CCSER1: variants seen among roughly 807,000 people sequenced by gnomAD.
CCSER1 encodes serine-rich coiled-coil domain-containing protein 1.
A neutral mutation model predicts 82.0 loss-of-function variants in CCSER1; 41 were observed. The ratio of observed to expected loss-of-function variants is 0.50; its 90% CI spans 0.39 to 0.65. The LOEUF (loss-of-function observed/expected upper bound fraction) is 0.65, where lower values mean the gene tolerates loss of function less well. CCSER1 is among the 30% of genes least tolerant of loss of function. CCSER1 has a pLI of 0.00. For synonymous variants in CCSER1, 414 were observed against 383.9 expected, an observed-to-expected ratio of 1.08 and a Z score of -0.92; for missense variants, 1,119 against 1,064.2, an observed-to-expected ratio of 1.05 and a Z score of -0.72.
chr4:91,354,610 G>A (rs984294400), intron 10 of CCSER1, among the ~76,000 whole-genome samples: 6 of 152,220 alleles, frequency 3.9e-5, no homozygotes, highest in Admixed American at 2.6e-4. Context: ...CTTACAGGAT[G>A]AGTGAATCCT....
intron 10 of CCSER1, among the ~76,000 whole-genome samples, chr4:91,385,410 G>A (rs976802722): frequency 2.0e-5 from 3 of 151,944 alleles, no homozygotes; most frequent in Non-Finnish European, 4.4e-5. Context: ...AAACAGAAAA[G>A]CTAAGCTGGT....
chr4:91,490,831 G>A (rs1472279337), intron 10 of CCSER1, among the ~76,000 whole-genome samples: 1 of 106,338 alleles, frequency 9.4e-6, no homozygotes, highest in Non-Finnish European at 1.8e-5. Flanking sequence ...CTGATATGAT[G>A]ATTACACATT....
chr4:90,828,030 G>T (rs533682254), intron 8 of CCSER1, among the ~76,000 whole-genome samples: 111 of 152,256 alleles, frequency 7.3e-4, no homozygotes, highest in African/African-American at 2.6e-3. Flanking sequence ...TCTGTGTGTG[G>T]TGCCGACTTC....
chr4:91,060,058 T>C (rs2148733029), intron 9 of CCSER1, among the ~76,000 whole-genome samples: 1 of 152,210 alleles, frequency 6.6e-6, no homozygotes, highest in East Asian at 1.9e-4. Context: ...AAACTCCTTT[T>C]CTCCCTGTTG....
chr4:91,362,818 T>C (rs12640578), intron 10 of CCSER1, among the ~76,000 whole-genome samples: 114,758 of 151,656 alleles, frequency 0.76, 44,413 homozygotes, highest in East Asian at 0.91. Flanking sequence ...AAGCTCATCC[T>C]GTTTCTCTTC....
chr4:91,306,033 G>T (rs1745045518), intron 10 of CCSER1, among the ~76,000 whole-genome samples: 1 of 146,994 alleles, frequency 6.8e-6, no homozygotes, highest in Non-Finnish European at 1.5e-5. Context: ...TTTGGGTGGG[G>T]ACACAACCAA....
chr4:91,328,871 T>C (rs1363973196), intron 10 of CCSER1, among the ~76,000 whole-genome samples: 1 of 152,118 alleles, frequency 6.6e-6, no homozygotes, highest in Non-Finnish European at 1.5e-5. Flanking sequence ...ATGGTAGCAG[T>C]TTCCCCCCTA....
chr4:90,673,623 C>G (rs1733224993), intron 6 of CCSER1, among the ~76,000 whole-genome samples: 2 of 151,950 alleles, frequency 1.3e-5, no homozygotes, highest in Non-Finnish European at 2.9e-5. Context: ...AAAATACTCT[C>G]CCAACCTAGA....
At chr4:90,934,793 T>C (rs1397960635) in intron 9 of CCSER1, among the ~76,000 whole-genome samples, 1 of 152,068 alleles carries the variant, frequency 6.6e-6, no homozygotes, top group African/African-American at 2.4e-5. Context: ...TAGCTGGACA[T>C]GGTGGCACAT....
intron 5 of CCSER1, among the ~76,000 whole-genome samples, chr4:90,596,437 T>G (rs1212454618): frequency 6.6e-6 from 1 of 151,874 alleles, no homozygotes; most frequent in Non-Finnish European, 1.5e-5. Flanking sequence ...GTACTAACAA[T>G]GATATAATTT....
At chr4:91,401,661 G>A (rs2149360204) in intron 10 of CCSER1, among the ~76,000 whole-genome samples, 1 of 151,860 alleles carries the variant, frequency 6.6e-6, no homozygotes, top group Non-Finnish European at 1.5e-5. Context: ...TTTATTTTCT[G>A]TCCTTGCGAT....
At chr4:91,164,064 G>A (rs1217294079) in intron 10 of CCSER1, among the ~76,000 whole-genome samples, 1 of 152,160 alleles carries the variant, frequency 6.6e-6, no homozygotes, top group Non-Finnish European at 1.5e-5. Flanking sequence ...GCAGTGGCTG[G>A]TACCAGTTGT....
intron 9 of CCSER1, among the ~76,000 whole-genome samples, chr4:90,927,847 T>C (rs1401172315): frequency 6.6e-6 from 1 of 152,066 alleles, no homozygotes; most frequent in African/African-American, 2.4e-5. Context: ...GTTTTTACTG[T>C]AATTGTTTTA....
intron 10 of CCSER1, among the ~76,000 whole-genome samples, chr4:91,095,085 G>A (rs1724368717): frequency 6.6e-6 from 1 of 152,146 alleles, no homozygotes; most frequent in Admixed American, 6.5e-5. Context: ...GGTTACTACT[G>A]AGTGTCCGGC....
intron 10 of CCSER1, among the ~76,000 whole-genome samples, chr4:91,248,510 A>T (rs113833301): frequency 6.6e-6 from 1 of 152,232 alleles, no homozygotes; most frequent in Non-Finnish European, 1.5e-5. Context: ...AGAAAAACTC[A>T]TAACTTCAGA....
At chr4:91,201,130 A>G (rs916303795) in intron 10 of CCSER1, among the ~76,000 whole-genome samples, 2 of 152,066 alleles carry the variant, frequency 1.3e-5, no homozygotes, top group African/African-American at 4.8e-5. Context: ...GCATCCTCAT[A>G]TATAATGGTG....
chr4:90,770,593 A>G (rs1751936314), intron 7 of CCSER1, among the ~76,000 whole-genome samples: 1 of 152,146 alleles, frequency 6.6e-6, no homozygotes. Flanking sequence ...TTTCCTTGCT[A>G]TCCTTTAGTG....
intron 8 of CCSER1, among the ~76,000 whole-genome samples, chr4:90,901,410 T>C (rs1400555046): frequency 2.6e-5 from 4 of 152,182 alleles, no homozygotes; most frequent in Non-Finnish European, 5.9e-5. Flanking sequence ...TTATGGGTGC[T>C]TTTATGGTAG....
chr4:91,272,747 GA>G (rs1288511445), intron 10 of CCSER1, among the ~76,000 whole-genome samples: 1 of 152,134 alleles, frequency 6.6e-6, no homozygotes, highest in Non-Finnish European at 1.5e-5. Context: ...TTAAGTCCTT[GA>G]TTCATCTTGA....
Sources: gnomAD v4.1 joint callset for allele counts (sites outside exome capture counted in the v4.1 genomes callset) on GRCh38, gnomAD v4.1.1 for gene constraint, MANE v1.5 for transcripts, NCBI Gene and HGNC (gene_info 2026-07-23, HGNC 2026-07-21) for gene names.